The following SCGN variants were observed in gnomAD, a reference collection of about 807,000 sequenced individuals.
The protein encoded by SCGN is secretagogin, EF-hand calcium binding protein.
A neutral mutation model predicts 39.7 loss-of-function variants in SCGN; 30 were observed. The observed-to-expected ratio is 0.76, with a 90% CI of 0.57 to 1.03. SCGN has a LOEUF of 1.03. SCGN is among the 50% of genes least tolerant of loss of function. The probability of loss-of-function intolerance (pLI) is 0.00; values close to 1 mark genes in which losing one functional copy is unlikely to be tolerated. For missense variants in SCGN, 353 were observed against 349.4 expected (o/e 1.01, Z -0.08); for synonymous variants, 106 against 114.1 (o/e 0.93, Z 0.45).
At chr6:25,680,816 T>A (rs777954594) in intron 6 of SCGN, among the ~76,000 whole-genome samples, 1 of 152,208 alleles carries the variant, frequency 6.6e-6, no homozygotes, top group Non-Finnish European at 1.5e-5. Context: ...GTAATACACA[T>A]TTTTGGTGCC....
At chr6:25,668,491 A>T (rs1235172435) in intron 4 of SCGN, among the ~76,000 whole-genome samples, 1 of 152,230 alleles carries the variant, frequency 6.6e-6, no homozygotes, top group Non-Finnish European at 1.5e-5. Context: ...CATCAGAGAC[A>T]AGACCACACA....
intron 3 of SCGN, among the ~76,000 whole-genome samples, chr6:25,662,841 G>T (rs1400827716): frequency 6.6e-6 from 1 of 152,080 alleles, no homozygotes; most frequent in Non-Finnish European, 1.5e-5. Context: ...CAGCAAGTTA[G>T]GTGCACTAAA....
chr6:25,673,990 C>T (rs188631210), intron 6 of SCGN, among the ~76,000 whole-genome samples: 10 of 152,000 alleles, frequency 6.6e-5, no homozygotes, highest in South Asian at 4.2e-4. Flanking sequence ...GAGAGAGAGC[C>T]GAGGAGGATG....
In SCGN at chr6:25,701,243, G is replaced by A. The variant is rs778452700; in HGVS notation, c.739G>A (p.Glu247Lys). 3.7e-6 allele frequency: 6 copies of A among 1,613,298 alleles called. No individual in the cohort carries two copies. In the South Asian group the frequency reaches 5.5e-5, roughly 15 times the overall value. Residue 247 changes from glutamate to lysine, a missense_variant, in exon 11 of 11, where the codon GAG becomes AAG. By Grantham distance (56) the Glu-to-Lys change is moderately conservative. Coordinates refer to ENST00000377961, the MANE Select transcript of SCGN (RefSeq NM_006998.4). The part of the protein sequence containing the change: ...ISGVDLDKFR[E>K]ILLRHCDVNK... ...CGGGGTGGACCTTGATAAGTTCCGC[G>A]AGATTCTCCTGCGTCACTGCGACGT...
chr6:25,656,635 T>A lies in SCGN; in HGVS notation c.153+3183T>A, dbSNP rs143641591. Among the ~76,000 whole-genome samples the A allele has an allele frequency of 3.7e-3, 566 of 152,300 alleles. 2 individuals are homozygous for A. The highest frequency in any genetic ancestry group is 0.013 in the African/African-American group (556 of 41,566). On this transcript the variant is annotated intron_variant, in intron 2 of 10. Transcript: ENST00000377961. ...GGGCCTCTTTCAATACTTCAGGGATTATAGTACCCTGCTGTAGCCTAGCGT... is the reference window on the plus strand; with the variant it reads ...GGGCCTCTTTCAATACTTCAGGGATAATAGTACCCTGCTGTAGCCTAGCGT...
intron 8 of SCGN, 34 bp downstream of exon 8, chr6:25,689,251 T>A (rs1759745893): frequency 1.4e-6 from 2 of 1,470,792 alleles, no homozygotes; most frequent in African/African-American, 2.8e-5. Context: ...TGGGTTTATG[T>A]CATTGCTGTT....
rs538344000 is a variant in SCGN, at chr6:25,701,647, C to T, written c.*312C>T. ...ACCAGGGTGGGGGGGACAGGGGCAGCTGAGTGCATTCATTTTGTGCTTTTC... is the reference window on the plus strand; with the variant it reads ...ACCAGGGTGGGGGGGACAGGGGCAGTTGAGTGCATTCATTTTGTGCTTTTC... On this transcript the variant is annotated 3_prime_UTR_variant, in exon 11 of 11. Transcript: ENST00000377961. The T allele has an allele frequency of 5.2e-4, 117 of 223,202 alleles. No homozygotes were observed. The highest frequency in any genetic ancestry group is 2.6e-3 in the African/African-American group (116 of 43,968). 13.8% of individuals were successfully genotyped at this position (223,202 alleles called of 1,614,324 possible). A position where few individuals can be genotyped will look rare whatever the true frequency, so the allele number is the denominator to read the frequency against.
chr6:25,652,744 T>C (rs937948908), intron 1 of SCGN, among the ~76,000 whole-genome samples: 1 of 152,140 alleles, frequency 6.6e-6, no homozygotes, highest in Non-Finnish European at 1.5e-5. Context: ...GCCATATATA[T>C]GGTAGACATA....
intron 7 of SCGN, among the ~76,000 whole-genome samples, chr6:25,683,153 A>G (rs533152436): frequency 2.7e-4 from 41 of 152,278 alleles, no homozygotes; most frequent in African/African-American, 9.4e-4. Flanking sequence ...GACCAGCCAA[A>G]GAGGGACAAA....
Position 25,666,618 on chromosome 6 carries a change from C to T in SCGN, c.336+1586C>T, listed in dbSNP as rs531344782. On this transcript the variant is annotated intron_variant, in intron 4 of 10. Coordinates refer to ENST00000377961, the MANE Select transcript of SCGN (RefSeq NM_006998.4). Reference sequence around the variant, plus strand: ...CTGCAGATTCATTAGAGAAAAACTCCGGTATTGAACATTATTAATCACTGA... The same window carrying T: ...CTGCAGATTCATTAGAGAAAAACTCTGGTATTGAACATTATTAATCACTGA... Among the ~76,000 whole-genome samples, 4 of 152,130 alleles carry T rather than the reference C, an allele frequency of 2.6e-5. No homozygotes were observed. In the South Asian group the frequency reaches 6.2e-4, roughly 24 times the overall value.
intron 4 of SCGN, among the ~76,000 whole-genome samples, chr6:25,668,919 G>C (rs1437819249): frequency 1.3e-5 from 2 of 152,114 alleles, no homozygotes; most frequent in Non-Finnish European, 2.9e-5. Context: ...AGACCATCCT[G>C]GCTAACACGG....
chr6:25,684,174 C>G (rs1208032368), intron 7 of SCGN, among the ~76,000 whole-genome samples: 3 of 152,066 alleles, frequency 2.0e-5, no homozygotes, highest in Non-Finnish European at 4.4e-5. Context: ...AGGGCAGGGA[C>G]TATGCTCTAA....
chr6:25,687,196 T>A (rs1279981538), intron 7 of SCGN, among the ~76,000 whole-genome samples: 1 of 152,198 alleles, frequency 6.6e-6, no homozygotes, highest in Non-Finnish European at 1.5e-5. Flanking sequence ...ACATTAATTT[T>A]AGGACCAGAT....
At chr6:25,680,646 T>C (rs1185982205) in intron 6 of SCGN, among the ~76,000 whole-genome samples, 3 of 152,216 alleles carry the variant, frequency 2.0e-5, no homozygotes, top group Non-Finnish European at 4.4e-5. Flanking sequence ...GAACCTCTCA[T>C]AATGAAGGTG....
chr6:25,676,928 A>T (rs1759571072), intron 6 of SCGN, among the ~76,000 whole-genome samples: 1 of 152,174 alleles, frequency 6.6e-6, no homozygotes, highest in Non-Finnish European at 1.5e-5. Context: ...GATGCCAGTC[A>T]CCTGTGCATG....
chr6:25,672,367 G>A (rs1376459008), intron 6 of SCGN, among the ~76,000 whole-genome samples: 2 of 152,190 alleles, frequency 1.3e-5, no homozygotes, highest in African/African-American at 4.8e-5. Flanking sequence ...GCATAACAGA[G>A]GGTGATGAGT....
chr6:25,654,231 C>T lies in SCGN; in HGVS notation c.153+779C>T, dbSNP rs554453687. 1.1e-4 allele frequency among the ~76,000 whole-genome samples: 17 copies of T among 152,280 alleles called. 1 individual carries two copies. Among genetic ancestry groups the T allele is most frequent in the African/African-American group, 3.8e-4 (16 of 41,574 alleles). ...TTGTCCTTATCATTCAGCTGTTTAT[C>T]TGAAGAATAGAAGTGCATCACATTC... is the stretch of plus-strand genomic sequence containing the variant. On this transcript the variant is annotated intron_variant, in intron 2 of 10. Transcript: ENST00000377961.
At chr6:25,685,773 G>A (rs1013429755) in intron 7 of SCGN, among the ~76,000 whole-genome samples, 1 of 152,072 alleles carries the variant, frequency 6.6e-6, no homozygotes, top group Admixed American at 6.5e-5. Flanking sequence ...TTTAAAGTCA[G>A]ATCTACCAAT....
At chr6:25,694,493 CTG>C (rs762958822) in intron 10 of SCGN, among the ~76,000 whole-genome samples, 1 of 152,182 alleles carries the variant, frequency 6.6e-6, no homozygotes, top group Non-Finnish European at 1.5e-5. Flanking sequence ...TTTAGCCTCT[CTG>C]TTTCTGTGGA....
Sources: gnomAD v4.1 joint callset for allele counts (sites outside exome capture counted in the v4.1 genomes callset) on GRCh38, gnomAD v4.1.1 for gene constraint, MANE v1.5 for transcripts, NCBI Gene and HGNC (gene_info 2026-07-23, HGNC 2026-07-21) for gene names.